TMEFF2: variants seen among roughly 807,000 people sequenced by gnomAD.
TMEFF2 encodes tomoregulin-2.
Under a neutral mutation model 53.8 loss-of-function variants are expected in TMEFF2, and 28 were observed. The ratio of observed to expected loss-of-function variants is 0.52; its 90% CI spans 0.39 to 0.71. TMEFF2 has a LOEUF of 0.71. Ranked by LOEUF, TMEFF2 falls within the 30% of genes least tolerant of loss-of-function variation. The probability of loss-of-function intolerance (pLI) is 0.00; values close to 1 mark genes in which losing one functional copy is unlikely to be tolerated. For missense variants in TMEFF2, 353 were observed against 455.2 expected (o/e 0.78, Z 2.04); for synonymous variants, 162 against 166.3 (o/e 0.97, Z 0.20).
chr2:192,109,808 T>A (rs534318144), intron 4 of TMEFF2, among the ~76,000 whole-genome samples: 28 of 152,140 alleles, frequency 1.8e-4, no homozygotes, highest in Non-Finnish European at 2.2e-4. Context: ...CATATTATGT[T>A]GTAGGTTCTT....
chr2:191,971,525 G>A (rs1050754963), intron 7 of TMEFF2, among the ~76,000 whole-genome samples: 23 of 152,144 alleles, frequency 1.5e-4, no homozygotes, highest in African/African-American at 5.3e-4. Context: ...TTTGATTGAT[G>A]TTGTCAATAG....
rs567022547 is a variant in TMEFF2 at position 191,949,997 on chromosome 2, C to G, written c.*314G>C. 32 of 1,106,972 alleles carry G rather than the reference C, an allele frequency of 2.9e-5. No individual in the cohort carries two copies. In the African/African-American group the frequency reaches 4.5e-4, roughly 15 times the overall value. The allele number at this position is 1,106,972 out of a possible 1,614,324, so 68.6% of individuals were successfully genotyped here. On this transcript the variant is annotated 3_prime_UTR_variant, in exon 10 of 10. Coordinates refer to ENST00000272771, the MANE Select transcript of TMEFF2 (RefSeq NM_016192.4). Reference sequence around the variant, plus strand: ...GATTATATTTACAGTTATGAGATACCGCAAATTTAAGAATGCCAATTTTTT... The same window carrying G: ...GATTATATTTACAGTTATGAGATACGGCAAATTTAAGAATGCCAATTTTTT...
intron 4 of TMEFF2, among the ~76,000 whole-genome samples, chr2:192,169,099 T>C (rs1376142503): frequency 1.3e-5 from 2 of 152,118 alleles, no homozygotes; most frequent in Non-Finnish European, 2.9e-5. Context: ...AGCACCAGGC[T>C]TTCTTTTCTA....
chr2:192,108,983 T>G (rs1180647098), intron 4 of TMEFF2, among the ~76,000 whole-genome samples: 1 of 151,930 alleles, frequency 6.6e-6, no homozygotes, highest in Non-Finnish European at 1.5e-5. Flanking sequence ...ATACCTAGAA[T>G]AGGTAAATTC....
chr2:191,964,378 C>CTT (rs1284502286), intron 7 of TMEFF2, among the ~76,000 whole-genome samples: 1 of 24,864 alleles, frequency 4.0e-5, no homozygotes. Context: ...CTTTCTCTTT[C>CTT]TTTCTTTCTT....
chr2:192,176,191 A>AT (rs1691038211), intron 4 of TMEFF2, among the ~76,000 whole-genome samples: 1 of 151,364 alleles, frequency 6.6e-6, no homozygotes, highest in South Asian at 2.1e-4. Context: ...ACTTTCTCAA[A>AT]TTCTTTGGAA....
chr2:192,089,343 C>CT (rs548259864), intron 4 of TMEFF2, among the ~76,000 whole-genome samples: 1 of 152,004 alleles, frequency 6.6e-6, no homozygotes, highest in Non-Finnish European at 1.5e-5. Flanking sequence ...CAATCTTAGT[C>CT]TTTTTTTCCC....
At chr2:192,128,318 A>T (rs1377546688) in intron 4 of TMEFF2, among the ~76,000 whole-genome samples, 2 of 152,246 alleles carry the variant, frequency 1.3e-5, no homozygotes, top group East Asian at 3.8e-4. Context: ...TTAGTCGAAT[A>T]TAAGAATATT....
At chr2:192,164,147 T>G (rs527519309) in intron 4 of TMEFF2, among the ~76,000 whole-genome samples, 1 of 152,308 alleles carries the variant, frequency 6.6e-6, no homozygotes, top group African/African-American at 2.4e-5. Context: ...TCCAAAGGCT[T>G]TCCATGATGC....
chr2:192,130,106 G>A (rs1282095115), intron 4 of TMEFF2, among the ~76,000 whole-genome samples: 7 of 152,014 alleles, frequency 4.6e-5, no homozygotes, highest in South Asian at 4.2e-4. Context: ...TTCTGTGAGC[G>A]TACGTATTAA....
intron 5 of TMEFF2, among the ~76,000 whole-genome samples, chr2:192,057,232 G>C (rs1687932290): frequency 6.6e-6 from 1 of 151,664 alleles, no homozygotes; most frequent in Non-Finnish European, 1.5e-5. Flanking sequence ...TTTTTTTATG[G>C]AGATGTGGGT....
At chr2:192,076,830 C>T (rs1688443219) in intron 4 of TMEFF2, among the ~76,000 whole-genome samples, 2 of 152,064 alleles carry the variant, frequency 1.3e-5, no homozygotes, top group Admixed American at 6.6e-5. Flanking sequence ...CAGGGAGCAG[C>T]CAGTGAGCCA....
chr2:192,171,884 G>A (rs1690922806), intron 4 of TMEFF2, among the ~76,000 whole-genome samples: 1 of 151,906 alleles, frequency 6.6e-6, no homozygotes, highest in Non-Finnish European at 1.5e-5. Context: ...CAAGAAATAA[G>A]TTCTACAAGG....
At chr2:192,048,138 A>G (rs1483265982) in intron 5 of TMEFF2, among the ~76,000 whole-genome samples, 1 of 151,582 alleles carries the variant, frequency 6.6e-6, no homozygotes. Context: ...CACAAATGTT[A>G]GGACAGTACG....
In TMEFF2 at chr2:192,194,330, G is replaced by T; in HGVS notation, c.172+23C>A. On this transcript the variant is annotated intron_variant, in intron 1 of 9. Transcript: ENST00000272771. This position sits in a 1 kb window ranked among gnomAD's most constrained non-coding sequence, Gnocchi z 4.2. ...TGTTCTTCTGCGGAGTTAAAGGGTC[G>T]GGGACGGGGGTTCTGGACTTACCAG... 6.2e-7 allele frequency: 1 copy of T among 1,612,386 alleles called. No homozygotes were observed. Among genetic ancestry groups the T allele is most frequent in the South Asian group, 1.1e-5 (1 of 90,918 alleles).
At chr2:192,088,194 T>A (rs1224345800) in intron 4 of TMEFF2, among the ~76,000 whole-genome samples, 1 of 52,288 alleles carries the variant, frequency 1.9e-5, no homozygotes, top group Admixed American at 2.7e-4. Context: ...AAATAGTTAT[T>A]TTTTTTTTTC....
chr2:192,087,032 ATATAT>A (rs1035001383), intron 4 of TMEFF2, among the ~76,000 whole-genome samples: 7 of 150,256 alleles, frequency 4.7e-5, no homozygotes, highest in African/African-American at 7.3e-5. Flanking sequence ...TTTGTATTTA[ATATAT>A]TATATATTTA....
chr2:192,167,600 C>T (rs115818513), intron 4 of TMEFF2, among the ~76,000 whole-genome samples: 1 of 151,814 alleles, frequency 6.6e-6, no homozygotes. Flanking sequence ...GTTCTTTTAC[C>T]TTCTTTTTCC....
rs192937890 is a variant in TMEFF2 at position 191,951,621 on chromosome 2, A to T, written c.1029-1214T>A. On this transcript the variant is annotated intron_variant, in intron 9 of 9. Transcript: ENST00000272771. ...AGACAAATGTGGCCAGGTCATCAGG[A>T]AAGTAGGGTTTCTGGGGTTTGGAGA... 3.9e-5 allele frequency among the ~76,000 whole-genome samples: 6 copies of T among 152,098 alleles called. No homozygotes were observed. In the East Asian group the frequency reaches 1.2e-3, roughly 30 times the overall value.
Sources: gnomAD v4.1 joint callset for allele counts (sites outside exome capture counted in the v4.1 genomes callset) on GRCh38, gnomAD v4.1.1 for gene constraint, Gnocchi (gnomAD v3.1) non-coding constraint, MANE v1.5 for transcripts, NCBI Gene and HGNC (gene_info 2026-07-23, HGNC 2026-07-21) for gene names.